TCF24: variants seen among roughly 807,000 people sequenced by gnomAD.
TCF24 encodes the protein transcription factor 24.
In TCF24, 5 loss-of-function variants were observed where a neutral mutation model predicts 9.3. The observed-to-expected ratio is 0.54, with a 90% CI of 0.28 to 1.13. TCF24 has a LOEUF of 1.13. TCF24 is among the 50% of genes most tolerant of loss of function. The probability of loss-of-function intolerance (pLI) is 0.09; values close to 1 mark genes in which losing one functional copy is unlikely to be tolerated. For missense variants in TCF24, 220 were observed against 236.1 expected (o/e 0.93, Z 0.45); for synonymous variants, 110 against 115.8 (o/e 0.95, Z 0.32).
At chr8:66,959,387 G>T (rs1814219096) in intron 3 of TCF24, among the ~76,000 whole-genome samples, 1 of 152,108 alleles carries the variant, frequency 6.6e-6, no homozygotes, top group Non-Finnish European at 1.5e-5. Context: ...TAAATAGTTA[G>T]GATATTTTAA....
intron 3 of TCF24, among the ~76,000 whole-genome samples, chr8:66,953,732 C>G (rs1373050954): frequency 6.6e-6 from 1 of 152,108 alleles, no homozygotes; most frequent in African/African-American, 2.4e-5. Flanking sequence ...TTCAGGTACA[C>G]CAATCAGACA....
At position 66,948,086 on chromosome 8, in the gene TCF24, T is replaced by A. The variant is rs1197836454; in HGVS notation, c.469A>T (p.Asn157Tyr). Residue 157 changes from asparagine (N) to tyrosine (Y), a missense_variant, in exon 4 of 4, where the codon AAT (asparagine) becomes TAT (tyrosine). Transcript: ENST00000563496. Reference sequence around the variant, plus strand: ...GAGTCTGTTGGAGTGTTGTCATGATTTGTTTTTTCTCCAGAAACAGAATGC... The same window carrying A: ...GAGTCTGTTGGAGTGTTGTCATGATATGTTTTTTCTCCAGAAACAGAATGC... ...LKHSVSGEKT[N>Y]HDNTPTDSQP is the part of the protein sequence containing the mutation. 1 of 1,535,026 alleles carries A rather than the reference T, an allele frequency of 6.5e-7. No homozygotes were observed. The highest frequency in any genetic ancestry group is 2.4e-5 in the East Asian group (1 of 40,860).
intron 3 of TCF24, among the ~76,000 whole-genome samples, chr8:66,950,880 T>G (rs1408957264): frequency 1.3e-4 from 19 of 151,422 alleles, no homozygotes; most frequent in Admixed American, 1.2e-3. Context: ...ACTCATGATT[T>G]GGCTCTCTGT....
At chr8:66,949,516 T>G (rs1814023065) in intron 3 of TCF24, among the ~76,000 whole-genome samples, 1 of 152,228 alleles carries the variant, frequency 6.6e-6, no homozygotes, top group Non-Finnish European at 1.5e-5. Flanking sequence ...GTTGGACATT[T>G]GGGTTGGTTC....
intron 3 of TCF24, among the ~76,000 whole-genome samples, chr8:66,951,206 C>A (rs1262854438): frequency 7.5e-6 from 1 of 134,036 alleles, no homozygotes; most frequent in Non-Finnish European, 1.6e-5. Flanking sequence ...TTTGCCCATT[C>A]AGTATGATAT....
At chr8:66,957,326 AG>A (rs1412982766) in intron 3 of TCF24, among the ~76,000 whole-genome samples, 2 of 148,130 alleles carry the variant, frequency 1.4e-5, no homozygotes, top group East Asian at 4.0e-4. Context: ...CTGAGGCAGA[AG>A]AATTGCTTGA....
At chr8:66,951,714 C>G (rs577951671) in intron 3 of TCF24, among the ~76,000 whole-genome samples, 3 of 152,082 alleles carry the variant, frequency 2.0e-5, no homozygotes, top group South Asian at 4.1e-4. Context: ...GCTGTGAATC[C>G]ATCTGGTCCT....
At chr8:66,958,999 C>G (rs1229114536) in intron 3 of TCF24, among the ~76,000 whole-genome samples, 1 of 152,224 alleles carries the variant, frequency 6.6e-6, no homozygotes, top group East Asian at 1.9e-4. Context: ...GAGACAGGGT[C>G]TTGCTCAGTT....
intron 3 of TCF24, among the ~76,000 whole-genome samples, chr8:66,952,392 T>A (rs1333122975): frequency 2.1e-5 from 3 of 139,806 alleles, no homozygotes; most frequent in African/African-American, 8.0e-5. Flanking sequence ...AGTTTCCATG[T>A]AGTTGAGCGG....
At chr8:66,954,096 C>T (rs961829122) in intron 3 of TCF24, among the ~76,000 whole-genome samples, 2 of 152,216 alleles carry the variant, frequency 1.3e-5, no homozygotes, top group Non-Finnish European at 2.9e-5. Context: ...TCTCTCAGCT[C>T]GTCAAAGTCA....
intron 3 of TCF24, among the ~76,000 whole-genome samples, chr8:66,953,472 G>T (rs1383093081): frequency 6.6e-6 from 1 of 152,150 alleles, no homozygotes; most frequent in Non-Finnish European, 1.5e-5. Flanking sequence ...TCCGCTGTTA[G>T]TCTGATGGGC....
intron 3 of TCF24, among the ~76,000 whole-genome samples, chr8:66,954,066 T>C (rs1028945746): frequency 1.3e-5 from 2 of 152,254 alleles, no homozygotes; most frequent in African/African-American, 2.4e-5. Context: ...TCGGAATAAT[T>C]TGATCGTCTG....
chr8:66,958,648 G>C (rs1814206075), intron 3 of TCF24, among the ~76,000 whole-genome samples: 1 of 152,148 alleles, frequency 6.6e-6, no homozygotes, highest in Admixed American at 6.6e-5. Flanking sequence ...GTGACAGAGA[G>C]AGACTCCATC....
intron 3 of TCF24, among the ~76,000 whole-genome samples, chr8:66,959,794 G>T (rs185011781): frequency 6.6e-6 from 1 of 152,254 alleles, no homozygotes; most frequent in East Asian, 1.9e-4. Context: ...TATCTCTAGA[G>T]TTGTCTTTTA....
intron 3 of TCF24, among the ~76,000 whole-genome samples, chr8:66,958,739 G>A (rs147280776): frequency 5.3e-5 from 8 of 152,088 alleles, no homozygotes; most frequent in Admixed American, 3.3e-4. Flanking sequence ...TTCAATTATT[G>A]TTTACCTATC....
At chr8:66,957,156 C>T (rs1029840232) in intron 3 of TCF24, among the ~76,000 whole-genome samples, 8 of 144,388 alleles carry the variant, frequency 5.5e-5, no homozygotes, top group Non-Finnish European at 1.1e-4. Flanking sequence ...TGCAGTGGCT[C>T]ATGTAATCCC....
intron 3 of TCF24, among the ~76,000 whole-genome samples, chr8:66,955,370 C>G (rs1248610317): frequency 6.7e-6 from 1 of 148,522 alleles, no homozygotes; most frequent in Non-Finnish European, 1.5e-5. Context: ...TTTTTTACTA[C>G]AGAGAGGGAC....
chr8:66,954,694 TC>T (rs1814123333), intron 3 of TCF24, among the ~76,000 whole-genome samples: 1 of 152,242 alleles, frequency 6.6e-6, no homozygotes, highest in Admixed American at 6.5e-5. Flanking sequence ...TCCCCCAGCC[TC>T]GCTGCCGCCT....
At chr8:66,951,918 T>A (rs1814064773) in intron 3 of TCF24, among the ~76,000 whole-genome samples, 1 of 148,414 alleles carries the variant, frequency 6.7e-6, no homozygotes, top group African/African-American at 2.5e-5. Context: ...GTAGTTTGTA[T>A]TTCTGTGGGA....
Sources: gnomAD v4.1 joint callset for allele counts (sites outside exome capture counted in the v4.1 genomes callset) on GRCh38, gnomAD v4.1.1 for gene constraint, MANE v1.5 for transcripts, NCBI Gene and HGNC (gene_info 2026-07-23, HGNC 2026-07-21) for gene names.